The following ADARB1 variants were observed in gnomAD, a reference collection of about 807,000 sequenced individuals.
ADARB1 encodes adenosine deaminase RNA specific B1, also known as double-stranded RNA-specific editase 1.
A neutral mutation model predicts 52.4 loss-of-function variants in ADARB1; 10 were observed. That is an observed-to-expected ratio of 0.19 (90% CI 0.12 to 0.32). ADARB1 has a LOEUF of 0.32. ADARB1 is among the 10% of genes least tolerant of loss of function. ADARB1 has a pLI of 1.00. For missense variants in ADARB1, 643 were observed against 922.3 expected, an observed-to-expected ratio of 0.70 and a Z score of 3.92; for synonymous variants, 349 against 371.1, an observed-to-expected ratio of 0.94 and a Z score of 0.68.
rs35076710 is a variant in ADARB1 at position 45,184,448 on chromosome 21, ATTTT to A, written c.1397-460_1397-457del. 323 of 141,710 alleles carry A rather than the reference ATTTT, an allele frequency of 2.3e-3. No homozygotes were observed. Among genetic ancestry groups the A allele is most frequent in the South Asian group, 0.01 (93 of 9,108 alleles). 8.8% of individuals were successfully genotyped at this position (141,710 alleles called of 1,614,324 possible). ...TGTCCTTCCTACTCAATTTCATATAATTTTTTTTTTTTTTTTTTGAGACAGGGTC... is the reference window on the plus strand; with the variant it reads ...TGTCCTTCCTACTCAATTTCATATAATTTTTTTTTTTTTTGAGACAGGGTC... On this transcript the variant is annotated intron_variant, in intron 7 of 10. Coordinates refer to ENST00000348831, the MANE Select transcript of ADARB1 (RefSeq NM_001112.4).
chr21:45,089,451 G>A (rs1191747323), intron 1 of ADARB1, among the ~76,000 whole-genome samples: 4 of 151,846 alleles, frequency 2.6e-5, no homozygotes, highest in Non-Finnish European at 5.9e-5. Context: ...GGATTTGGTC[G>A]ATTTTTTTTT....
At chr21:45,121,980 A>G (rs1195088085) in intron 1 of ADARB1, among the ~76,000 whole-genome samples, 1 of 152,226 alleles carries the variant, frequency 6.6e-6, no homozygotes, top group East Asian at 1.9e-4. Flanking sequence ...AATGGCAGCT[A>G]CTGTCAAAAA....
chr21:45,125,662 C>G (rs918401057), intron 1 of ADARB1, among the ~76,000 whole-genome samples: 2 of 152,236 alleles, frequency 1.3e-5, no homozygotes, highest in Non-Finnish European at 2.9e-5. Context: ...GGCCATCAGG[C>G]CTTCCTGCCC....
In ADARB1 at chr21:45,221,573, G is replaced by C. The variant is rs116452425; in HGVS notation, c.1927-445G>C. ...GGTATAGCCAGAAGGGACAGTGCCC[G>C]GGAGGGTCCTGTTCACCAGGGGCAG... is the stretch of plus-strand genomic sequence containing the variant. On this transcript the variant is annotated intron_variant, in intron 10 of 10. Transcript: ENST00000348831. This position sits in a 1 kb window ranked among gnomAD's most constrained non-coding sequence, Gnocchi z 4.9. Among the ~76,000 whole-genome samples, 8 of 152,174 alleles carry C rather than the reference G, an allele frequency of 5.3e-5. No homozygotes were observed. Among genetic ancestry groups the C allele is most frequent in the Non-Finnish European group, 8.8e-5 (6 of 68,038 alleles).
In ADARB1 at chr21:45,128,458, T is replaced by C. The variant is rs578099502; in HGVS notation, c.-163T>C. On this transcript the variant is annotated 5_prime_UTR_variant, in exon 2 of 11. Transcript: ENST00000348831. This position sits in a 1 kb window ranked among gnomAD's most constrained non-coding sequence, Gnocchi z 4.6. ...TAAGGGGCAACTGAAGGAGACACACTGGCCAAGCGCGGAGTTCTGCTTACT... is the reference window on the plus strand; with the variant it reads ...TAAGGGGCAACTGAAGGAGACACACCGGCCAAGCGCGGAGTTCTGCTTACT... 6.6e-6 allele frequency: 1 copy of C among 152,334 alleles called. No individual in the cohort carries two copies. Among genetic ancestry groups the C allele is most frequent in the East Asian group, 1.9e-4 (1 of 5,178 alleles). 9.4% of individuals were successfully genotyped at this position (152,334 alleles called of 1,614,324 possible).
intron 2 of ADARB1, among the ~76,000 whole-genome samples, chr21:45,164,338 C>G (rs528073624): frequency 1.3e-5 from 2 of 152,228 alleles, no homozygotes; most frequent in South Asian, 4.1e-4. Context: ...GGCACAAGTA[C>G]TGGGGCTGCC....
At chr21:45,191,880 A>ATTTT (rs777269104) in intron 8 of ADARB1, among the ~76,000 whole-genome samples, 6 of 15,700 alleles carry the variant, frequency 3.8e-4, no homozygotes, top group Admixed American at 6.7e-4. Context: ...ATATATATAT[A>ATTTT]TTTTTTTTTT....
At chr21:45,107,957 A>T (rs968218735) in intron 1 of ADARB1, among the ~76,000 whole-genome samples, 1 of 152,160 alleles carries the variant, frequency 6.6e-6, no homozygotes, top group African/African-American at 2.4e-5. Flanking sequence ...GCTACTTGGG[A>T]GGCTGAGGTG....
At chr21:45,178,428 A>C (rs1185476871) in intron 4 of ADARB1, among the ~76,000 whole-genome samples, 1 of 152,230 alleles carries the variant, frequency 6.6e-6, no homozygotes, top group Admixed American at 6.5e-5. Context: ...CCACTAGGGC[A>C]TGAGGGGATG....
chr21:45,168,399 A>G (rs552300458), intron 2 of ADARB1, among the ~76,000 whole-genome samples: 1 of 152,216 alleles, frequency 6.6e-6, no homozygotes, highest in Non-Finnish European at 1.5e-5. Flanking sequence ...GCCTAGCCCT[A>G]GATCCTGAGG....
At chr21:45,212,246 C>T (rs558569844) in intron 9 of ADARB1, among the ~76,000 whole-genome samples, 2 of 152,274 alleles carry the variant, frequency 1.3e-5, no homozygotes, top group East Asian at 1.9e-4. Flanking sequence ...TTTAAATGGA[C>T]ACCCTCTCTT....
chr21:45,108,854 C>T (rs2087379475), intron 1 of ADARB1, among the ~76,000 whole-genome samples: 1 of 151,678 alleles, frequency 6.6e-6, no homozygotes, highest in Admixed American at 6.6e-5. Flanking sequence ...ACAGATTAAA[C>T]ACAGAATTTA....
At chr21:45,133,562 C>T in intron 2 of ADARB1, 1 of 176,548 alleles carries the variant, frequency 5.7e-6, no homozygotes. Context: ...TTCACAGTTC[C>T]TCCCGCCTGC....
intron 7 of ADARB1, chr21:45,184,660 A>G (rs1343041751): frequency 5.6e-6 from 2 of 358,896 alleles, no homozygotes; most frequent in East Asian, 6.3e-5. Flanking sequence ...CATGTTGCCC[A>G]GGCTGGTCTT....
In ADARB1 at chr21:45,133,621, A is replaced by C. The variant is rs543851093; in HGVS notation, c.-48+5048A>C. 214 of 248,738 alleles carry C rather than the reference A, an allele frequency of 8.6e-4. 3 individuals are homozygous for C. The highest frequency in any genetic ancestry group is 8.4e-3 in the South Asian group (210 of 24,936). 15.4% of individuals were successfully genotyped at this position (248,738 alleles called of 1,614,324 possible). ...TGTACCCCAGGGGCAGGATGCTAACACTGCACTGACTGAGAAAAGAATTTG... is the reference window on the plus strand; with the variant it reads ...TGTACCCCAGGGGCAGGATGCTAACCCTGCACTGACTGAGAAAAGAATTTG... On this transcript the variant is annotated intron_variant, in intron 2 of 10. Transcript: ENST00000348831.
At chr21:45,177,892 G>A (rs1201560013) in intron 4 of ADARB1, among the ~76,000 whole-genome samples, 2 of 151,950 alleles carry the variant, frequency 1.3e-5, no homozygotes, top group East Asian at 1.9e-4. Context: ...TTTTTTTAAC[G>A]AACCAAATAC....
At chr21:45,115,061 C>T (rs1013083993) in intron 1 of ADARB1, among the ~76,000 whole-genome samples, 10 of 151,194 alleles carry the variant, frequency 6.6e-5, no homozygotes, top group African/African-American at 2.4e-4. Flanking sequence ...CACTCACAGA[C>T]AGGCTTTGTG....
intron 2 of ADARB1, among the ~76,000 whole-genome samples, chr21:45,136,510 G>T (rs900521019): frequency 6.6e-5 from 10 of 152,248 alleles, no homozygotes; most frequent in Non-Finnish European, 1.3e-4. Context: ...CCATGTTTCA[G>T]AACCTGTAGC....
rs868504673 is a variant in ADARB1 at position 45,176,393 on chromosome 21, C to T, written c.692C>T (p.Pro231Leu). 1.2e-6 allele frequency: 2 copies of T among 1,614,174 alleles called. No individual in the cohort carries two copies. Among genetic ancestry groups the T allele is most frequent in the Admixed American group, 1.7e-5 (1 of 60,030 alleles). Reference protein sequence around the residue: ...PLPVLPPFPPPSGKNPVMILN... With the variant: ...PLPVLPPFPPLSGKNPVMILN... ...CCTGTCTTACCACCATTCCCACCCC[C>T]GAGTGGGAAGAATCCCGTGATGATC... is the stretch of plus-strand genomic sequence containing the variant. The change falls in exon 4 of 11, where the codon CCG becomes CTG. Residue 231 changes from proline to leucine, a missense_variant. By Grantham distance (98) the Pro-to-Leu change is moderately conservative. This residue lies in a region of ADARB1 where 380 missense variants were observed against 446.5 expected (regional missense o/e 0.85). Transcript: ENST00000348831. This position sits in a 1 kb window ranked among gnomAD's most constrained non-coding sequence, Gnocchi z 5.8.
Sources: allele counts gnomAD v4.1 joint callset (sites outside exome capture counted in the v4.1 genomes callset), GRCh38; gene constraint gnomAD v4.1.1; regional missense constraint gnomAD v4.1.1; non-coding constraint Gnocchi (gnomAD v3.1); transcripts MANE v1.5; gene names NCBI Gene and HGNC (gene_info 2026-07-23, HGNC 2026-07-21).